TMEM230: variants seen among roughly 807,000 people sequenced by gnomAD.
TMEM230 encodes UPF0414 transmembrane protein C20orf30.
A neutral mutation model predicts 15.8 loss-of-function variants in TMEM230; 10 were observed. That is an observed-to-expected ratio of 0.63 (90% CI 0.39 to 1.07). The LOEUF (loss-of-function observed/expected upper bound fraction) is 1.07, where lower values mean the gene tolerates loss of function less well. Among genes scored for constraint, TMEM230 ranks in the 50% least tolerant of loss-of-function variants. TMEM230 has a pLI of 0.01. For missense variants in TMEM230, 165 were observed against 193.3 expected (o/e 0.85, Z 0.87); for synonymous variants, 67 against 76.9 (o/e 0.87, Z 0.68).
downstream of TMEM230, among the ~76,000 whole-genome samples, chr20:5,065,700 G>T (rs541852957): frequency 2.9e-4 from 44 of 152,296 alleles, 1 homozygote; most frequent in South Asian, 3.3e-3. Context: ...CCTGTCTAAC[G>T]CCTGGGCTCT....
At chr20:5,084,586 G>T (rs550679183) in intron 3 of TMEM230, among the ~76,000 whole-genome samples, 145 of 152,038 alleles carry the variant, frequency 9.5e-4, no homozygotes, top group Admixed American at 2.2e-3. Context: ...CCAGGCTGGA[G>T]TGCAGTGGCG....
At chr20:5,076,673 A>ATTATTTTTT in intron 3 of TMEM230, among the ~76,000 whole-genome samples, 1 of 138,024 alleles carries the variant, frequency 7.2e-6, no homozygotes, top group African/African-American at 3.0e-5. Flanking sequence ...TTGGATTGAT[A>ATTATTTTTT]TTCTTTTTTT....
At chr20:5,090,354 T>C (rs1283769615) in intron 3 of TMEM230, among the ~76,000 whole-genome samples, 1 of 152,004 alleles carries the variant, frequency 6.6e-6, no homozygotes. Context: ...CTGAAGACAA[T>C]TCTACAAGCA....
chr20:5,080,164 A>T (rs1207634653), intron 3 of TMEM230, among the ~76,000 whole-genome samples: 2 of 152,242 alleles, frequency 1.3e-5, no homozygotes, highest in African/African-American at 4.8e-5. Context: ...TATTATTTGT[A>T]ATCATCTATC....
Position 5,111,532 on chromosome 20 carries a change from C to T in TMEM230, c.142G>A (p.Ala48Thr). 5.2e-6 allele frequency: 1 copy of T among 191,544 alleles called. No homozygotes were observed. Among genetic ancestry groups the T allele is most frequent in the South Asian group, 5.2e-5 (1 of 19,180 alleles). The allele number at this position is 191,544 out of a possible 1,614,324, so 11.9% of individuals were successfully genotyped here. A position where few individuals can be genotyped will look rare whatever the true frequency, so the allele number is the denominator to read the frequency against. ...GCTGAAGCAGAAGAATCGCTTGAAG[C>T]CAGGAGGTGGAGATTGCAGTGAGCT... Residue 48 changes from alanine to threonine, a missense_variant, in exon 2 of 5, where the codon GCT becomes ACT. Ala to Thr is a moderately conservative substitution (Grantham distance 58, BLOSUM62 0). Coordinates refer to ENST00000342308, the MANE Select transcript of TMEM230 (RefSeq NM_001009923.2).
At chr20:5,092,908 T>C (rs2089552776) in intron 3 of TMEM230, among the ~76,000 whole-genome samples, 1 of 152,160 alleles carries the variant, frequency 6.6e-6, no homozygotes, top group African/African-American at 2.4e-5. Context: ...GCAGTGAACA[T>C]ACTGAAAGCT....
At chr20:5,108,786 G>A (rs2090194577) in intron 3 of TMEM230, among the ~76,000 whole-genome samples, 1 of 152,044 alleles carries the variant, frequency 6.6e-6, no homozygotes, top group Non-Finnish European at 1.5e-5. Context: ...AAATGGTTAG[G>A]GTAGGATACA....
At chr20:5,060,527 G>T in the TMEM230 span, among the ~76,000 whole-genome samples, 1 of 151,842 alleles carries the variant, frequency 6.6e-6, no homozygotes, top group Non-Finnish European at 1.5e-5. Flanking sequence ...AGTAGAGGCA[G>T]GATTTCACCC....
chr20:5,107,812 T>TC (rs2090154943), intron 3 of TMEM230, among the ~76,000 whole-genome samples: 1 of 108,632 alleles, frequency 9.2e-6, no homozygotes, highest in Admixed American at 1.0e-4. Context: ...AGACCCTGTC[T>TC]CAAAAAAAAA....
chr20:5,089,092 G>C (rs1271506314), intron 3 of TMEM230, among the ~76,000 whole-genome samples: 2 of 152,288 alleles, frequency 1.3e-5, no homozygotes, highest in South Asian at 2.1e-4. Context: ...GCAAGTAACA[G>C]AGCTGGGTGT....
intron 4 of TMEM230, among the ~76,000 whole-genome samples, chr20:5,104,257 G>A (rs1003294503): frequency 2.6e-5 from 4 of 152,114 alleles, no homozygotes; most frequent in Non-Finnish European, 4.4e-5. Flanking sequence ...ACAAGGTCTC[G>A]CTATGTTGCG....
chr20:5,069,457 A>G, intron 3 of TMEM230: 1 of 1,176,554 alleles, frequency 8.5e-7, no homozygotes, highest in East Asian at 2.6e-5. Context: ...GGTGCTCCAC[A>G]ACACTTCCTG....
the TMEM230 span, among the ~76,000 whole-genome samples, chr20:5,062,136 C>T: frequency 1.3e-5 from 2 of 151,674 alleles, no homozygotes; most frequent in African/African-American, 4.8e-5. Flanking sequence ...GTGAGAGAAT[C>T]GCTTGAGCCT....
At chr20:5,101,509 C>T (rs1568499412) in intron 4 of TMEM230, among the ~76,000 whole-genome samples, 4 of 152,118 alleles carry the variant, frequency 2.6e-5, no homozygotes, top group Admixed American at 1.3e-4. Context: ...GCAACCTCGA[C>T]TTCCCAGGCT....
At chr20:5,063,075 C>G in the TMEM230 span, among the ~76,000 whole-genome samples, 1 of 151,920 alleles carries the variant, frequency 6.6e-6, no homozygotes. Flanking sequence ...GACAGTGAAG[C>G]CTCACCACGG....
rs538213522 is a variant in TMEM230 at position 5,089,521 on chromosome 20, C to CA, written c.222+16666dup. Among the ~76,000 whole-genome samples the CA allele has an allele frequency of 2.2e-3, 339 of 151,718 alleles. 3 individuals carry two copies. Among genetic ancestry groups the CA allele is most frequent in the African/African-American group, 7.9e-3 (325 of 41,320 alleles). ...TTTGAGACCAGCCTGATCAACATGG[C>CA]AAAACCCCGTCTCCACTAAAAATAC... On this transcript the variant is annotated intron_variant, in intron 3 of 3. Transcript: ENST00000612323.
Position 5,100,356 on chromosome 20 carries a change from T to C in TMEM230, c.*435A>G. The C allele has an allele frequency of 5.1e-6, 5 of 985,368 alleles. No homozygotes were observed. The highest frequency in any genetic ancestry group is 6.0e-6 in the Non-Finnish European group (5 of 829,828). The allele number at this position is 985,368 out of a possible 1,614,324, so 61.0% of individuals were successfully genotyped here. A position where few individuals can be genotyped will look rare whatever the true frequency, so the allele number is the denominator to read the frequency against. ...AAGGTCTTCCACTGGAACATGAAGG[T>C]AGGGATAAGTGTACAGGATAATATA... is the stretch of plus-strand genomic sequence containing the variant. On this transcript the variant is annotated 3_prime_UTR_variant, in exon 5 of 5. Coordinates refer to ENST00000342308, the MANE Select transcript of TMEM230 (RefSeq NM_001009923.2).
downstream of TMEM230, among the ~76,000 whole-genome samples, chr20:5,067,041 G>A (rs2088666626): frequency 1.3e-5 from 2 of 152,118 alleles, no homozygotes; most frequent in Admixed American, 1.3e-4. Context: ...TCCAAGTAGT[G>A]GAGAAGTGAG....
In TMEM230 at chr20:5,100,121, A is replaced by G. The variant is rs1406259674; in HGVS notation, c.*670T>C. 3 of 985,342 alleles carry G rather than the reference A, an allele frequency of 3.0e-6. No homozygotes were observed. The African/African-American group carries it at 5.2e-5, about 17-fold the overall frequency. 61.0% of individuals were successfully genotyped at this position (985,342 alleles called of 1,614,324 possible). The stretch of plus-strand genomic sequence containing the variant: ...CCGTTAAAGGAATAATCTGCAGAAC[A>G]TCTTGATTTACAAGGGACAAAATGA... On this transcript the variant is annotated 3_prime_UTR_variant, in exon 5 of 5. Coordinates refer to ENST00000342308, the MANE Select transcript of TMEM230 (RefSeq NM_001009923.2).
Sources: allele counts gnomAD v4.1 joint callset (sites outside exome capture counted in the v4.1 genomes callset), GRCh38; gene constraint gnomAD v4.1.1; transcripts MANE v1.5; gene names NCBI Gene and HGNC (gene_info 2026-07-23, HGNC 2026-07-21).